Variants in ANK3 observed in about 807,000 individuals in gnomAD.
ANK3 encodes the protein ankyrin 3.
In ANK3, 57 loss-of-function variants were observed where a neutral mutation model predicts 370.9. The ratio of observed to expected loss-of-function variants is 0.15; its 90% CI spans 0.12 to 0.19. The LOEUF (loss-of-function observed/expected upper bound fraction) is 0.19, where lower values mean the gene tolerates loss of function less well. ANK3 is among the 10% of genes least tolerant of loss of function. ANK3 has a pLI of 1.00. For synonymous variants in ANK3, 1,929 were observed against 1,946.3 expected, an observed-to-expected ratio of 0.99 and a Z score of 0.23; for missense variants, 4,439 against 5,302.1, an observed-to-expected ratio of 0.84 and a Z score of 5.06.
intron 2 of ANK3, among the ~76,000 whole-genome samples, chr10:60,484,087 T>C (rs558137650): frequency 9.1e-4 from 138 of 152,186 alleles, no homozygotes; most frequent in African/African-American, 3.0e-3. Flanking sequence ...TAAGCAATAA[T>C]AAAGTATTGC....
intron 2 of ANK3, among the ~76,000 whole-genome samples, chr10:60,469,199 A>G (rs1330203522): frequency 7.4e-6 from 1 of 135,006 alleles, no homozygotes; most frequent in Non-Finnish European, 1.6e-5. Flanking sequence ...CTTTTAGTGT[A>G]TATATATATA....
chr10:60,146,157 A>C, intron 23 of ANK3: 1 of 1,288,596 alleles, frequency 7.8e-7, no homozygotes, highest in Non-Finnish European at 1.0e-6. Context: ...GTAGATACGA[A>C]GATGTGTTTG....
At chr10:60,649,266 C>T (rs1036875898) in intron 1 of ANK3, among the ~76,000 whole-genome samples, 1 of 151,728 alleles carries the variant, frequency 6.6e-6, no homozygotes, top group Non-Finnish European at 1.5e-5. Flanking sequence ...CCACCCACAT[C>T]AACACCAACT....
At chr10:60,645,454 G>C (rs981113817) in intron 1 of ANK3, among the ~76,000 whole-genome samples, 1 of 152,198 alleles carries the variant, frequency 6.6e-6, no homozygotes, top group African/African-American at 2.4e-5. Flanking sequence ...GCCAGGCGCA[G>C]TGGCTCACAC....
chr10:60,309,527 C>T (rs2045894263), intron 1 of ANK3, among the ~76,000 whole-genome samples: 1 of 152,100 alleles, frequency 6.6e-6, no homozygotes, highest in South Asian at 2.1e-4. Flanking sequence ...AGAACAAGAC[C>T]TTTAAAGTTG....
At chr10:60,501,389 C>T (rs1038514952) in intron 2 of ANK3, among the ~76,000 whole-genome samples, 3 of 152,176 alleles carry the variant, frequency 2.0e-5, no homozygotes, top group Non-Finnish European at 4.4e-5. Context: ...TGTATTTCTT[C>T]AAGTAATGAA....
In ANK3 at chr10:60,069,891, C is replaced by T. The variant is rs781254027; in HGVS notation, c.10990G>A (p.Asp3664Asn). ...TCTAGATTGGTTTCTACAGTGGTGT[C>T]CCCTGACTGTGGCTGTGGTGTGGCA... is the stretch of plus-strand genomic sequence containing the variant. ...VTATPQPQSG[D>N]TTVETNLERN... Residue 3664 changes from aspartate to asparagine, a missense_variant, in exon 37 of 44, where the codon GAC becomes AAC. By Grantham distance (23) the Asp-to-Asn change is conservative. Coordinates refer to ENST00000280772, the MANE Select transcript of ANK3 (RefSeq NM_020987.5). 9.3e-6 allele frequency: 15 copies of T among 1,613,814 alleles called. No homozygotes were observed. Among genetic ancestry groups the T allele is most frequent in the Admixed American group, 8.3e-5 (5 of 59,974 alleles).
At chr10:60,665,886 A>G (rs74155653) in intron 1 of ANK3, among the ~76,000 whole-genome samples, 7,879 of 152,292 alleles carry the variant, frequency 0.052, 274 homozygotes, top group African/African-American at 0.085. Context: ...CATTAGGATC[A>G]CTACTGGAAA....
At position 60,072,450 on chromosome 10, in the gene ANK3, T is replaced by G. The variant is rs776136748; in HGVS notation, c.8431A>C (p.Lys2811Gln). The change falls in exon 37 of 44, where the codon AAA becomes CAA. Residue 2811 changes from lysine (K) to glutamine (Q), a missense_variant. Physicochemically the swap from Lys to Gln is moderately conservative, Grantham distance 53. Around this residue, in one of 13 missense-constraint regions of ANK3, gnomAD observed 1,601 missense variants for 1,731.7 expected, o/e 0.92. Transcript: ENST00000280772. The part of the protein sequence containing the change: ...VNDSGSDNVK[K>Q]QRTEMSSKAM... ...TTACTTGACATTTCAGTTCTCTGTT[T>G]TTTCACATTATCAGAGCCAGAATCA... 1 of 1,614,080 alleles carries G rather than the reference T, an allele frequency of 6.2e-7. No homozygotes were observed. The highest frequency in any genetic ancestry group is 1.1e-5 in the South Asian group (1 of 91,070).
chr10:60,272,143 G>A (rs540816154), intron 4 of ANK3, among the ~76,000 whole-genome samples: 4 of 150,820 alleles, frequency 2.7e-5, no homozygotes, highest in South Asian at 2.1e-4. Context: ...CCATAGGTCC[G>A]TGTGTCTTTC....
At chr10:60,046,808 A>ATTTT (rs10632318) in intron 42 of ANK3, among the ~76,000 whole-genome samples, 9,783 of 138,610 alleles carry the variant, frequency 0.071, 527 homozygotes, top group Non-Finnish European at 0.11. Context: ...AGTAATCTCA[A>ATTTT]TTTTTTTTTT....
intron 2 of ANK3, among the ~76,000 whole-genome samples, chr10:60,439,276 T>C (rs945624754): frequency 2.4e-4 from 37 of 152,152 alleles, no homozygotes; most frequent in African/African-American, 8.9e-4. Context: ...TGTGAACTGC[T>C]AGAGAAGGGA....
chr10:60,214,893 G>A (rs1292567616), intron 8 of ANK3, among the ~76,000 whole-genome samples: 1 of 152,072 alleles, frequency 6.6e-6, no homozygotes, highest in Non-Finnish European at 1.5e-5. Context: ...GGGATTGCTG[G>A]GTCAAATGGT....
chr10:60,395,891 C>G (rs201327640), intron 2 of ANK3, among the ~76,000 whole-genome samples: 14 of 152,030 alleles, frequency 9.2e-5, no homozygotes, highest in Admixed American at 2.6e-4. Context: ...GATGGGGTAA[C>G]GTAAAACAGA....
intron 1 of ANK3, among the ~76,000 whole-genome samples, chr10:60,356,437 C>T (rs947714383): frequency 1.3e-5 from 2 of 152,152 alleles, no homozygotes. Context: ...GGTGTGGCAT[C>T]TACTGGCTTG....
chr10:60,332,593 A>C (rs1215900386), intron 1 of ANK3, among the ~76,000 whole-genome samples: 2 of 152,222 alleles, frequency 1.3e-5, no homozygotes, highest in African/African-American at 4.8e-5. Flanking sequence ...AGGCTGCTGT[A>C]AAGTGACAAC....
chr10:60,396,361 A>G (rs1437603067), intron 2 of ANK3, among the ~76,000 whole-genome samples: 2 of 152,140 alleles, frequency 1.3e-5, no homozygotes, highest in African/African-American at 4.8e-5. Flanking sequence ...TAGGGTAGTA[A>G]TTCTCCAAAA....
At chr10:60,662,565 A>G (rs2078948350) in intron 1 of ANK3, among the ~76,000 whole-genome samples, 1 of 152,190 alleles carries the variant, frequency 6.6e-6, no homozygotes, top group South Asian at 2.1e-4. Context: ...ATTGTCTGTC[A>G]CTTTATAACA....
chr10:60,329,709 C>G (rs2050749626), intron 1 of ANK3, among the ~76,000 whole-genome samples: 1 of 152,120 alleles, frequency 6.6e-6, no homozygotes, highest in Non-Finnish European at 1.5e-5. Flanking sequence ...GGCCATATTG[C>G]CCAAAGTAAT....
Sources: allele counts gnomAD v4.1 joint callset (sites outside exome capture counted in the v4.1 genomes callset), GRCh38; gene constraint gnomAD v4.1.1; regional missense constraint gnomAD v4.1.1; transcripts MANE v1.5; gene names NCBI Gene and HGNC (gene_info 2026-07-23, HGNC 2026-07-21).